Variants in RAB38 observed in about 807,000 individuals in gnomAD.
The protein encoded by RAB38 is RAB38, member RAS oncogene family, also known as ras-related protein Rab-38.
In RAB38, 15 loss-of-function variants were observed where a neutral mutation model predicts 18.4. That is an observed-to-expected ratio of 0.82 (90% CI 0.55 to 1.26). The LOEUF is 1.26. Ranked by LOEUF, RAB38 falls within the 50% of genes most tolerant of loss-of-function variation. The pLI is 0.00. For synonymous variants in RAB38, 101 were observed against 104.4 expected, an observed-to-expected ratio of 0.97 and a Z score of 0.20; for missense variants, 294 against 267.4, an observed-to-expected ratio of 1.10 and a Z score of -0.69.
At chr11:88,075,954 G>A in the RAB38 span, among the ~76,000 whole-genome samples, 2 of 148,512 alleles carry the variant, frequency 1.3e-5, no homozygotes, top group Admixed American at 6.7e-5. Flanking sequence ...GGAACTAGAA[G>A]GGAATAAACC....
At chr11:87,824,656 T>C in the RAB38 span, among the ~76,000 whole-genome samples, 8,964 of 151,952 alleles carry the variant, frequency 0.059, 368 homozygotes, top group Non-Finnish European at 0.084. Flanking sequence ...AATAATTACA[T>C]AGAAGAATTG....
At chr11:87,827,445 G>A in the RAB38 span, among the ~76,000 whole-genome samples, 1 of 151,930 alleles carries the variant, frequency 6.6e-6, no homozygotes, top group East Asian at 1.9e-4. Flanking sequence ...TGATTGATCA[G>A]ATTTGTTTAA....
chr11:87,916,204 G>A, the RAB38 span, among the ~76,000 whole-genome samples: 8 of 152,168 alleles, frequency 5.3e-5, no homozygotes, highest in South Asian at 1.7e-3. Flanking sequence ...ATGAGAGATG[G>A]ACATCAGTAT....
the RAB38 span, among the ~76,000 whole-genome samples, chr11:88,046,380 A>T: frequency 2.0e-5 from 3 of 151,756 alleles, no homozygotes; most frequent in Non-Finnish European, 4.4e-5. Context: ...AAACCCATAT[A>T]CTCTCCTATC....
chr11:87,924,656 A>G, the RAB38 span, among the ~76,000 whole-genome samples: 2 of 152,004 alleles, frequency 1.3e-5, no homozygotes, highest in Admixed American at 6.6e-5. Flanking sequence ...TGTTGCATAC[A>G]CACTTTGAGA....
the RAB38 span, among the ~76,000 whole-genome samples, chr11:87,904,706 A>T: frequency 1.3e-5 from 2 of 151,542 alleles, no homozygotes; most frequent in African/African-American, 2.4e-5. Context: ...CCAACAGTGT[A>T]TAAGTGTTCC....
At chr11:88,065,862 T>C in the RAB38 span, among the ~76,000 whole-genome samples, 10 of 152,342 alleles carry the variant, frequency 6.6e-5, no homozygotes, top group African/African-American at 2.4e-4. Context: ...ATTTGGTCAA[T>C]TGTCCTTTTC....
At chr11:87,900,649 C>T in the RAB38 span, among the ~76,000 whole-genome samples, 10 of 126,666 alleles carry the variant, frequency 7.9e-5, no homozygotes, top group South Asian at 2.4e-3. Context: ...CCCTCTGTCA[C>T]AGAAAGAAAG....
At chr11:88,173,912 A>G in intron 1 of RAB38, 1 of 985,474 alleles carries the variant, frequency 1.0e-6, no homozygotes, top group Non-Finnish European at 1.2e-6. Flanking sequence ...TGCCCTTTCA[A>G]AAATTTTCCA....
intron 1 of RAB38, among the ~76,000 whole-genome samples, chr11:88,164,067 A>G (rs1943218531): frequency 6.6e-6 from 1 of 152,164 alleles, no homozygotes; most frequent in Non-Finnish European, 1.5e-5. Flanking sequence ...CTGAACTGTA[A>G]GCTCAAATGT....
chr11:88,170,418 G>A (rs1281755817), intron 1 of RAB38, among the ~76,000 whole-genome samples: 2 of 152,194 alleles, frequency 1.3e-5, no homozygotes, highest in Non-Finnish European at 2.9e-5. Flanking sequence ...ACAACTGCTT[G>A]AAGAAATAGT....
chr11:87,874,276 A>G, the RAB38 span, among the ~76,000 whole-genome samples: 1 of 151,518 alleles, frequency 6.6e-6, no homozygotes, highest in Non-Finnish European at 1.5e-5. Context: ...ACTGATATCA[A>G]CAACAAAGGA....
the RAB38 span, among the ~76,000 whole-genome samples, chr11:87,930,504 A>G: frequency 6.6e-6 from 1 of 152,020 alleles, no homozygotes; most frequent in Admixed American, 6.6e-5. Context: ...ATTTTCTCCC[A>G]TTCTCTAGGT....
the RAB38 span, among the ~76,000 whole-genome samples, chr11:87,819,452 T>C: frequency 6.6e-6 from 1 of 151,410 alleles, no homozygotes; most frequent in Non-Finnish European, 1.5e-5. Flanking sequence ...CATAACAGGA[T>C]TTTTTTTTAT....
chr11:88,119,629 C>A (rs1276270014), intron 2 of RAB38, among the ~76,000 whole-genome samples: 1 of 149,202 alleles, frequency 6.7e-6, no homozygotes, highest in Non-Finnish European at 1.5e-5. Context: ...ATCTGTCTTG[C>A]GGCAAAGTAT....
At chr11:87,853,316 C>T in the RAB38 span, among the ~76,000 whole-genome samples, 1 of 152,232 alleles carries the variant, frequency 6.6e-6, no homozygotes, top group African/African-American at 2.4e-5. Flanking sequence ...TAGATGAGTT[C>T]ATGAGGGTGA....
At chr11:87,880,756 C>T in the RAB38 span, among the ~76,000 whole-genome samples, 2 of 151,688 alleles carry the variant, frequency 1.3e-5, no homozygotes, top group African/African-American at 4.8e-5. Context: ...CATTTAATGG[C>T]CAATATTATT....
the RAB38 span, among the ~76,000 whole-genome samples, chr11:87,890,755 A>G: frequency 6.6e-6 from 1 of 151,772 alleles, no homozygotes; most frequent in Non-Finnish European, 1.5e-5. Flanking sequence ...TTCCCACTTC[A>G]ACTTGGAAAT....
At chr11:88,105,158 A>G in the RAB38 span, among the ~76,000 whole-genome samples, 3 of 152,134 alleles carry the variant, frequency 2.0e-5, no homozygotes, top group Non-Finnish European at 2.9e-5. Flanking sequence ...AAATTAATAT[A>G]CACCTTCCTC....
Sources: gnomAD v4.1 joint callset for allele counts (sites outside exome capture counted in the v4.1 genomes callset) on GRCh38, gnomAD v4.1.1 for gene constraint, MANE v1.5 for transcripts, NCBI Gene and HGNC (gene_info 2026-07-23, HGNC 2026-07-21) for gene names.